RFPL1: variants seen among roughly 807,000 people sequenced by gnomAD.
The protein encoded by RFPL1 is ret finger protein like 1.
A neutral mutation model predicts 9.6 loss-of-function variants in RFPL1; 6 were observed. That is an observed-to-expected ratio of 0.62 (90% CI 0.34 to 1.23). RFPL1 has a LOEUF of 1.23. Ranked by LOEUF, RFPL1 falls within the 50% of genes most tolerant of loss-of-function variation. The probability of loss-of-function intolerance (pLI) is 0.03; values close to 1 mark genes in which losing one functional copy is unlikely to be tolerated. For missense variants in RFPL1, 352 were observed against 398.4 expected (o/e 0.88, Z 0.99); for synonymous variants, 145 against 149.4 (o/e 0.97, Z 0.22).
At chr22:29,420,613 G>A in the RFPL1 span, among the ~76,000 whole-genome samples, 5 of 136,950 alleles carry the variant, frequency 3.7e-5, no homozygotes, top group East Asian at 1.1e-3. Context: ...ACAGGCATGA[G>A]CCACTGCAGA....
the RFPL1 span, among the ~76,000 whole-genome samples, chr22:29,417,186 T>C: frequency 0.1 from 15,124 of 151,818 alleles, 1,542 homozygotes; most frequent in African/African-American, 0.26. Context: ...CTTTGGGGCT[T>C]ATCATATCAG....
At chr22:29,399,630 T>C in the RFPL1 span, among the ~76,000 whole-genome samples, 2 of 152,240 alleles carry the variant, frequency 1.3e-5, no homozygotes, top group Admixed American at 1.3e-4. Flanking sequence ...CAAACTTTAC[T>C]TAAATCTTTT....
the RFPL1 span, among the ~76,000 whole-genome samples, chr22:29,420,634 CTTT>C: frequency 1.9e-5 from 1 of 53,436 alleles, no homozygotes; most frequent in African/African-American, 1.2e-4. Context: ...TGGTTTTTTG[CTTT>C]TTTTTTTTTT....
the RFPL1 span, among the ~76,000 whole-genome samples, chr22:29,419,504 C>T: frequency 6.6e-6 from 1 of 152,022 alleles, no homozygotes; most frequent in Non-Finnish European, 1.5e-5. Context: ...AATCCCAGCA[C>T]TTTAAGAGGC....
upstream of RFPL1, chr22:29,435,051 G>T (rs1380359435): frequency 6.6e-6 from 1 of 152,202 alleles, no homozygotes. Context: ...TATGCTCAAT[G>T]CAAGAAACTT....
chr22:29,432,051 C>T, the RFPL1 span, among the ~76,000 whole-genome samples: 19,326 of 152,102 alleles, frequency 0.13, 1,698 homozygotes, highest in Non-Finnish European at 0.17. Flanking sequence ...AAATCCAGTG[C>T]GCATTTTACA....
chr22:29,402,602 T>C, the RFPL1 span, among the ~76,000 whole-genome samples: 1 of 151,922 alleles, frequency 6.6e-6, no homozygotes, highest in African/African-American at 2.4e-5. Context: ...TATGGTCAAG[T>C]TGAAGACAAA....
chr22:29,442,080 G>C lies in RFPL1; in HGVS notation c.912G>C (p.Pro304=), dbSNP rs372405064. 1.9e-6 allele frequency: 3 copies of C among 1,597,802 alleles called. No homozygotes were observed. In the Admixed American group the frequency reaches 5.1e-5, roughly 27 times the overall value. The change falls in exon 2 of 2, where the codon CCG becomes CCC. Residue 304 remains proline (P), a synonymous_variant. Transcript: ENST00000354373. ...TGAGTATCTGTCCTGTGATAAACCC[G>C]GGCACTACTGATGCTCCAGTCCATC... is the stretch of plus-strand genomic sequence containing the variant.
At chr22:29,423,209 G>A in the RFPL1 span, 496 of 1,223,774 alleles carry the variant, frequency 4.1e-4, no homozygotes, top group African/African-American at 6.0e-3. Flanking sequence ...GAGAAGAGAG[G>A]GGTGACTTTC....
At chr22:29,439,094 C>T in exon 1 of RFPL1, 1 of 1,614,082 alleles carries the variant, frequency 6.2e-7, no homozygotes, top group African/African-American at 1.3e-5. Flanking sequence ...GGCTGGCTTC[C>T]CACATCAAGG....
chr22:29,432,334 C>G, the RFPL1 span, among the ~76,000 whole-genome samples: 1 of 152,134 alleles, frequency 6.6e-6, no homozygotes, highest in African/African-American at 2.4e-5. Context: ...TCTGGAGCCC[C>G]CCTCCTATCA....
the RFPL1 span, among the ~76,000 whole-genome samples, chr22:29,428,569 C>T: frequency 1.3e-5 from 2 of 152,164 alleles, no homozygotes. Flanking sequence ...ACATGGGATC[C>T]TCTCCAGGAT....
chr22:29,420,183 C>T, the RFPL1 span, among the ~76,000 whole-genome samples: 1 of 152,196 alleles, frequency 6.6e-6, no homozygotes, highest in African/African-American at 2.4e-5. Context: ...TCAGCTGCTC[C>T]ATGAGAGCTC....
the RFPL1 span, among the ~76,000 whole-genome samples, chr22:29,398,503 T>G: frequency 6.6e-6 from 1 of 152,146 alleles, no homozygotes; most frequent in Non-Finnish European, 1.5e-5. Context: ...CTCGTGCAGT[T>G]GGAAAGGAGC....
At chr22:29,441,012 A>G (rs1376494092) in intron 1 of RFPL1, 1 of 154,054 alleles carries the variant, frequency 6.5e-6, no homozygotes. Context: ...GAGCCTCCTA[A>G]TGTCCAGGAC....
chr22:29,432,236 T>A, the RFPL1 span, among the ~76,000 whole-genome samples: 1 of 152,182 alleles, frequency 6.6e-6, no homozygotes, highest in Non-Finnish European at 1.5e-5. Context: ...AAGAGTGCAA[T>A]TAACTGATAA....
chr22:29,393,924 G>A, the RFPL1 span, among the ~76,000 whole-genome samples: 1 of 152,180 alleles, frequency 6.6e-6, no homozygotes, highest in Non-Finnish European at 1.5e-5. Flanking sequence ...TGATCTGCCC[G>A]CCTTGGCCTC....
At chr22:29,423,984 G>A in the RFPL1 span, among the ~76,000 whole-genome samples, 2 of 152,138 alleles carry the variant, frequency 1.3e-5, no homozygotes, top group Non-Finnish European at 2.9e-5. Flanking sequence ...CCTGAGGTCA[G>A]GAGATCGAGA....
At chr22:29,423,677 C>T in the RFPL1 span, among the ~76,000 whole-genome samples, 1 of 152,244 alleles carries the variant, frequency 6.6e-6, no homozygotes, top group African/African-American at 2.4e-5. Flanking sequence ...ATCACAGCAT[C>T]ATCAAGGCAC....
Sources: allele counts gnomAD v4.1 joint callset (sites outside exome capture counted in the v4.1 genomes callset), GRCh38; gene constraint gnomAD v4.1.1; transcripts MANE v1.5; gene names NCBI Gene and HGNC (gene_info 2026-07-23, HGNC 2026-07-21).